SUPT3H: variants seen among roughly 807,000 people sequenced by gnomAD.
SUPT3H encodes the protein transcription initiation protein SPT3 homolog.
In SUPT3H, 44 loss-of-function variants were observed where a neutral mutation model predicts 44.3. The ratio of observed to expected loss-of-function variants is 0.99; its 90% CI spans 0.78 to 1.28. The LOEUF (loss-of-function observed/expected upper bound fraction) is 1.28, where lower values mean the gene tolerates loss of function less well. Ranked by LOEUF, SUPT3H falls within the 50% of genes most tolerant of loss-of-function variation. The pLI is 0.00. For missense variants in SUPT3H, 380 were observed against 387.1 expected (o/e 0.98, Z 0.15); for synonymous variants, 124 against 125.6 (o/e 0.99, Z 0.09).
At chr6:44,836,620 C>G (rs533654173) in intron 10 of SUPT3H, among the ~76,000 whole-genome samples, 50 of 152,028 alleles carry the variant, frequency 3.3e-4, no homozygotes, top group Admixed American at 1.6e-3. Context: ...GAGTTATTAC[C>G]AAGTTGTTTT....
At chr6:44,823,699 C>T (rs181735982), downstream of SUPT3H, among the ~76,000 whole-genome samples, 3 of 152,220 alleles carry the variant, frequency 2.0e-5, no homozygotes, top group Non-Finnish European at 4.4e-5. Flanking sequence ...CGGTGGCTCA[C>T]GCCTGTAATC....
intron 2 of SUPT3H, among the ~76,000 whole-genome samples, chr6:45,158,299 T>TATATATATATATATATATATAA (rs1491302388): frequency 2.3e-3 from 31 of 13,352 alleles, no homozygotes; most frequent in South Asian, 7.0e-3. Context: ...TATATATATA[T>TATATATATATATATATATATAA]TTTTTTTTTT....
chr6:44,823,728 G>A (rs1361934112), downstream of SUPT3H, among the ~76,000 whole-genome samples: 1 of 152,160 alleles, frequency 6.6e-6, no homozygotes, highest in Admixed American at 6.5e-5. Context: ...TTGGGAGGCT[G>A]AGGCGGGTGG....
At chr6:45,318,294 T>G (rs1373600280) in intron 2 of SUPT3H, among the ~76,000 whole-genome samples, 1 of 152,026 alleles carries the variant, frequency 6.6e-6, no homozygotes, top group Non-Finnish European at 1.5e-5. Flanking sequence ...CAGAGGATAT[T>G]TAGGGCAGTG....
chr6:45,047,054 T>A (rs1789514523), intron 3 of SUPT3H, among the ~76,000 whole-genome samples: 1 of 152,242 alleles, frequency 6.6e-6, no homozygotes, highest in Non-Finnish European at 1.5e-5. Flanking sequence ...TAACATTGTA[T>A]CTTTGACCTT....
At chr6:45,060,979 C>T (rs560895812) in intron 3 of SUPT3H, among the ~76,000 whole-genome samples, 9 of 152,184 alleles carry the variant, frequency 5.9e-5, no homozygotes, top group East Asian at 1.9e-4. Flanking sequence ...GAAATAGGAA[C>T]GCTTTAACAC....
chr6:44,881,095 C>A (rs1159526121), intron 10 of SUPT3H, among the ~76,000 whole-genome samples: 2 of 152,222 alleles, frequency 1.3e-5, no homozygotes, highest in Middle Eastern at 3.4e-3. Context: ...TTAAAAGACA[C>A]AGACTGGCAC....
chr6:45,273,614 T>C (rs1776556326), intron 2 of SUPT3H, among the ~76,000 whole-genome samples: 1 of 152,208 alleles, frequency 6.6e-6, no homozygotes, highest in Non-Finnish European at 1.5e-5. Flanking sequence ...TTCCACAAAC[T>C]TTTAAAAGAC....
intron 2 of SUPT3H, among the ~76,000 whole-genome samples, chr6:45,218,526 T>A (rs767986744): frequency 6.6e-6 from 1 of 152,160 alleles, no homozygotes; most frequent in Non-Finnish European, 1.5e-5. Context: ...AGTCGGGAGT[T>A]CGAGACCAGC....
downstream of SUPT3H, among the ~76,000 whole-genome samples, chr6:44,826,046 G>T (rs1767723231): frequency 6.6e-6 from 1 of 152,184 alleles, no homozygotes; most frequent in Admixed American, 6.5e-5. Context: ...GAAAACAAAT[G>T]CAAGTCTCGT....
intron 2 of SUPT3H, among the ~76,000 whole-genome samples, chr6:45,321,590 C>G (rs1785507625): frequency 6.6e-6 from 1 of 152,088 alleles, no homozygotes; most frequent in Admixed American, 6.6e-5. Flanking sequence ...AGTCCATATT[C>G]CAAGTTTTCT....
At chr6:44,905,264 C>T (rs1245636316) in intron 10 of SUPT3H, among the ~76,000 whole-genome samples, 1 of 152,178 alleles carries the variant, frequency 6.6e-6, no homozygotes, top group Admixed American at 6.5e-5. Flanking sequence ...TTTTTGCAAT[C>T]TACTCATCTG....
At chr6:45,074,875 G>T (rs1224308280) in intron 3 of SUPT3H, among the ~76,000 whole-genome samples, 1 of 151,924 alleles carries the variant, frequency 6.6e-6, no homozygotes, top group Non-Finnish European at 1.5e-5. Context: ...GTTTAAGAAA[G>T]GTGTTAATAT....
Position 45,020,600 on chromosome 6 carries a change from C to A in SUPT3H, c.219G>T (p.Arg73=). 5 of 1,611,540 alleles carry A rather than the reference C, an allele frequency of 3.1e-6. No homozygotes were observed. In the South Asian group the frequency reaches 5.5e-5, roughly 18 times the overall value. Residue 73 remains arginine, a synonymous_variant, in exon 4 of 11, where the codon CGG becomes CGT. Coordinates refer to ENST00000371459, the MANE Select transcript of SUPT3H (RefSeq NM_003599.4). Reference sequence around the variant, plus strand: ...CTTCAGGAGTGATTACCCTTGCTCCCCGCAGCTGAGAAACTTCAGCAGCTT... The same window carrying A: ...CTTCAGGAGTGATTACCCTTGCTCCACGCAGCTGAGAAACTTCAGCAGCTT... ...LQQAAEVSQL[R]GARVITPEDL... is the part of the protein sequence containing the mutation.
At chr6:45,066,216 A>T (rs1011538105) in intron 3 of SUPT3H, among the ~76,000 whole-genome samples, 49 of 151,778 alleles carry the variant, frequency 3.2e-4, no homozygotes, top group African/African-American at 1.0e-3. Context: ...AAACCACATG[A>T]TTATCTCAAT....
chr6:45,300,014 G>C (rs975091497), intron 2 of SUPT3H, among the ~76,000 whole-genome samples: 5 of 152,158 alleles, frequency 3.3e-5, no homozygotes, highest in African/African-American at 1.2e-4. Context: ...TCTGGCATAA[G>C]TGGCCCTTTA....
At chr6:45,253,447 T>A (rs1490406483) in intron 2 of SUPT3H, among the ~76,000 whole-genome samples, 1 of 152,152 alleles carries the variant, frequency 6.6e-6, no homozygotes. Flanking sequence ...TTTTAAATTG[T>A]AATTGATCCA....
chr6:45,039,761 G>C (rs1788232003), intron 3 of SUPT3H, among the ~76,000 whole-genome samples: 1 of 151,446 alleles, frequency 6.6e-6, no homozygotes, highest in Non-Finnish European at 1.5e-5. Context: ...CTCCAGCCTA[G>C]GCAACTAAGA....
chr6:44,966,526 T>C (rs2153480127), intron 6 of SUPT3H, among the ~76,000 whole-genome samples: 1 of 151,956 alleles, frequency 6.6e-6, no homozygotes, highest in Admixed American at 6.5e-5. Context: ...TTAGAGAACT[T>C]AAAGGAAAAC....
Sources: allele counts gnomAD v4.1 joint callset (sites outside exome capture counted in the v4.1 genomes callset), GRCh38; gene constraint gnomAD v4.1.1; transcripts MANE v1.5; gene names NCBI Gene and HGNC (gene_info 2026-07-23, HGNC 2026-07-21).